The following COL11A2 variants were observed in gnomAD, a reference collection of about 807,000 sequenced individuals.
COL11A2 encodes the protein collagen alpha-2(XI) chain.
A neutral mutation model predicts 273.4 loss-of-function variants in COL11A2; 116 were observed. The observed-to-expected ratio is 0.42, with a 90% CI of 0.36 to 0.49. The LOEUF (loss-of-function observed/expected upper bound fraction) is 0.49. COL11A2 is among the 20% of genes least tolerant of loss of function. The pLI is 0.00. For missense variants in COL11A2, 1,866 were observed against 2,309.0 expected (o/e 0.81, Z 3.93); for synonymous variants, 782 against 864.2 (o/e 0.90, Z 1.67).
chr6:33,193,485 C>T (rs1546877), upstream of COL11A2: 110,330 of 148,398 alleles, frequency 0.74, 41,530 homozygotes, highest in East Asian at 0.96. Context: ...TTGGGCCCCA[C>T]GGAACCTCGG....
At position 33,169,641 on chromosome 6, in the gene COL11A2, A is replaced by T; in HGVS notation, c.3691-151T>A. On this transcript the variant is annotated intron_variant, in intron 50 of 65. Coordinates refer to ENST00000341947, the MANE Select transcript of COL11A2 (RefSeq NM_080680.3). The surrounding 1 kb of genome is among the most constrained non-coding windows in gnomAD (Gnocchi z 5.5). ...GTCAAGCCTACAAGGGGAGTTCCCT[A>T]GTCCCCTTCCCTTCAAGAAAGGGGA... 1 of 1,060,680 alleles carries T rather than the reference A, an allele frequency of 9.4e-7. No individual in the cohort carries two copies. The highest frequency in any genetic ancestry group is 1.4e-6 in the Non-Finnish European group (1 of 693,306). 65.7% of individuals were successfully genotyped at this position (1,060,680 alleles called of 1,614,324 possible).
chr6:33,187,324 C>T (rs1463611909), intron 4 of COL11A2, among the ~76,000 whole-genome samples: 1 of 152,200 alleles, frequency 6.6e-6, no homozygotes, highest in Non-Finnish European at 1.5e-5. Context: ...TTACTTTTGC[C>T]CACACATGGT....
chr6:33,170,444 G>C lies in COL11A2; in HGVS notation c.3529-65C>G. ...GAGATGGCTGAGCATGAATGGTGGA[G>C]AGAGGAGGAGGAGCAGCCAGGCCAG... On this transcript the variant is annotated intron_variant, in intron 47 of 65. Transcript: ENST00000341947. This position sits in a 1 kb window ranked among gnomAD's most constrained non-coding sequence, Gnocchi z 4.3. 2 of 1,591,404 alleles carry C rather than the reference G, an allele frequency of 1.3e-6. No homozygotes were observed. Among genetic ancestry groups the C allele is most frequent in the African/African-American group, 2.7e-5 (2 of 74,292 alleles).
chr6:33,164,003 G>T lies in COL11A2; in HGVS notation c.5071-185C>A, dbSNP rs2150509172. 6.6e-6 allele frequency among the ~76,000 whole-genome samples: 1 copy of T among 152,288 alleles called. No individual in the cohort carries two copies. The highest frequency in any genetic ancestry group is 1.5e-5 in the Non-Finnish European group (1 of 68,030). On this transcript the variant is annotated intron_variant, in intron 65 of 65. Transcript: ENST00000341947. The surrounding 1 kb of genome is among the most constrained non-coding windows in gnomAD (Gnocchi z 4.7). ...TGCTTCTCCCCCACCGTGTGCCTCT[G>T]CTGGGCAGCCATGTGCCAGTCTGTG...
chr6:33,177,429 C>T lies in COL11A2; in HGVS notation c.1954G>A (p.Gly652Ser). 2 of 1,612,880 alleles carry T rather than the reference C, an allele frequency of 1.2e-6. No homozygotes were observed. Among genetic ancestry groups the T allele is most frequent in the Non-Finnish European group, 1.7e-6 (2 of 1,179,936 alleles). The change falls in exon 23 of 66, where the codon GGC (glycine) becomes AGC (serine). Residue 652 changes from glycine to serine, a missense_variant. Gly to Ser is a moderately conservative substitution (Grantham distance 56). Coordinates refer to ENST00000341947, the MANE Select transcript of COL11A2 (RefSeq NM_080680.3). This position sits in a 1 kb window ranked among gnomAD's most constrained non-coding sequence, Gnocchi z 5.9. ...CCGCTCACCTGGGTCCCAGGGGTGC[C>T]CTGTTGTCCAGGAGGTCCTGGCTCT... is the stretch of plus-strand genomic sequence containing the variant. ...QGEPGPPGQQ[G>S]TPGTQGLPGP...
Position 33,177,304 on chromosome 6 carries a change from A to G in COL11A2, c.1972-79T>C. ...GCCTCCCGGATTCAAAGCATGAGCA[A>G]CAAGGGCCTGAAACCCTTAATTTCC... On this transcript the variant is annotated intron_variant, in intron 23 of 65. Transcript: ENST00000341947. This position sits in a 1 kb window ranked among gnomAD's most constrained non-coding sequence, Gnocchi z 5.9. 3 of 1,605,300 alleles carry G rather than the reference A, an allele frequency of 1.9e-6. No individual in the cohort carries two copies. The South Asian group carries it at 3.3e-5, about 18-fold the overall frequency.
rs954801938 is a variant in COL11A2, at chr6:33,189,634, T to G, written c.83-165A>C. ...GAACAGTACCTGAATGGATGGGAAA[T>G]GCAAAGGTACCTGGAGGCAGGGCAG... On this transcript the variant is annotated intron_variant, in intron 1 of 65. Coordinates refer to ENST00000341947, the MANE Select transcript of COL11A2 (RefSeq NM_080680.3). This position sits in a 1 kb window ranked among gnomAD's most constrained non-coding sequence, Gnocchi z 5.6. Among the ~76,000 whole-genome samples, 1 of 152,088 alleles carries G rather than the reference T, an allele frequency of 6.6e-6. No homozygotes were observed. The highest frequency in any genetic ancestry group is 1.5e-5 in the Non-Finnish European group (1 of 68,000).
Position 33,177,370 on chromosome 6 carries a change from G to A in COL11A2, c.1971+42C>T. ...TCTCACCCATTGTGGAAGCCCAAGG[G>A]AAGTCATGAAAATTGGGGAACGGAG... On this transcript the variant is annotated intron_variant, in intron 23 of 65. Coordinates refer to ENST00000341947, the MANE Select transcript of COL11A2 (RefSeq NM_080680.3). The surrounding 1 kb of genome is among the most constrained non-coding windows in gnomAD (Gnocchi z 5.9). 4 of 1,611,270 alleles carry A rather than the reference G, an allele frequency of 2.5e-6. No homozygotes were observed. The highest frequency in any genetic ancestry group is 2.5e-6 in the Non-Finnish European group (3 of 1,178,608).
At chr6:33,181,347 C>T (rs2150589618) in intron 8 of COL11A2, among the ~76,000 whole-genome samples, 177 bp from the exon 9 acceptor site, 1 of 147,476 alleles carries the variant, frequency 6.8e-6, no homozygotes, top group African/African-American at 2.5e-5. Context: ...TCAAGCCTGC[C>T]AAGGAGACCT....
In COL11A2 at chr6:33,178,199, G is replaced by A; in HGVS notation, c.1819-14C>T. 5 of 1,611,532 alleles carry A rather than the reference G, an allele frequency of 3.1e-6. No homozygotes were observed. The highest frequency in any genetic ancestry group is 4.2e-6 in the Non-Finnish European group (5 of 1,178,938). On this transcript the variant is annotated splice_polypyrimidine_tract_variant and intron_variant, in intron 20 of 65. Coordinates refer to ENST00000341947, the MANE Select transcript of COL11A2 (RefSeq NM_080680.3). This position sits in a 1 kb window ranked among gnomAD's most constrained non-coding sequence, Gnocchi z 4.6. Reference sequence around the variant, plus strand: ...ACCTCGAGGTCCCTGCATTCACGGTGAGGGGAGGAGACGGCATGAATGGAT... The same window carrying A: ...ACCTCGAGGTCCCTGCATTCACGGTAAGGGGAGGAGACGGCATGAATGGAT...
At chr6:33,188,277 GGAA>G in intron 4 of COL11A2, 82 bp downstream of exon 4, 2 of 1,496,036 alleles carry the variant, frequency 1.3e-6, no homozygotes, top group South Asian at 2.3e-5. Context: ...CTAGGGAATA[GGAA>G]GATGACATGC....
In COL11A2 at chr6:33,166,216, G is replaced by A; in HGVS notation, c.4393-10C>T. The A allele has an allele frequency of 6.3e-7, 1 of 1,596,438 alleles. No individual in the cohort carries two copies. The highest frequency in any genetic ancestry group is 8.5e-7 in the Non-Finnish European group (1 of 1,172,366). ...TGGGGCCAGCAGGTCCCTGTGAAATGAGGAACAAGAAAGAGACGGTCACTG... is the reference window on the plus strand; with the variant it reads ...TGGGGCCAGCAGGTCCCTGTGAAATAAGGAACAAGAAAGAGACGGTCACTG... On this transcript the variant is annotated splice_polypyrimidine_tract_variant and intron_variant, in intron 60 of 65. Transcript: ENST00000341947. The surrounding 1 kb of genome is among the most constrained non-coding windows in gnomAD (Gnocchi z 4.8).
At chr6:33,184,052 C>CACAGCCA (rs1482843224) in intron 8 of COL11A2, 93 bp downstream of exon 8, 3 of 1,147,912 alleles carry the variant, frequency 2.6e-6, no homozygotes, top group African/African-American at 1.6e-5. Flanking sequence ...GGAAATAGCT[C>CACAGCCA]ACAGCCAACA....
At position 33,179,302 on chromosome 6, in the gene COL11A2, G is replaced by C. The variant is rs1258625427; in HGVS notation, c.1504-18C>G. On this transcript the variant is annotated intron_variant, in intron 14 of 65. Transcript: ENST00000341947. This position sits in a 1 kb window ranked among gnomAD's most constrained non-coding sequence, Gnocchi z 6.4. ...GGTTGGCCCTGGGAGAGAGAAGAGA[G>C]GATGGCCGTAAGGAAGGACACAGCC... 1 of 1,607,074 alleles carries C rather than the reference G, an allele frequency of 6.2e-7. No homozygotes were observed. Among genetic ancestry groups the C allele is most frequent in the Admixed American group, 1.7e-5 (1 of 58,654 alleles).
Position 33,166,648 on chromosome 6 carries a change from C to T in COL11A2, c.4338+72G>A, listed in dbSNP as rs1202197885. 1.9e-6 allele frequency: 3 copies of T among 1,608,946 alleles called. No homozygotes were observed. The highest frequency in any genetic ancestry group is 1.1e-5 in the South Asian group (1 of 90,516). On this transcript the variant is annotated intron_variant, in intron 59 of 65. Transcript: ENST00000341947. This position sits in a 1 kb window ranked among gnomAD's most constrained non-coding sequence, Gnocchi z 4.8. ...CTGCTCGCTTACCCACAGCTGAGTC[C>T]CAACTCCAACTCCACCCCTCTCCAC...
intron 38 of COL11A2, among the ~76,000 whole-genome samples, chr6:33,172,849 AC>A (rs1040576318): frequency 3.3e-5 from 5 of 152,018 alleles, no homozygotes; most frequent in Admixed American, 3.3e-4. Flanking sequence ...CTGTTGGGGA[AC>A]TGCCTCTCCT....
rs1411104140 is a variant in COL11A2, at chr6:33,163,858, A to G, written c.5071-40T>C. 6.2e-7 allele frequency: 1 copy of G among 1,612,696 alleles called. No individual in the cohort carries two copies. Among genetic ancestry groups the G allele is most frequent in the Admixed American group, 1.7e-5 (1 of 59,984 alleles). ...AAGGAAGAAAGTGTGAGCAGGATGG[A>G]GGCACCCCCCACCCTCTAACCTCAG... On this transcript the variant is annotated intron_variant, in intron 65 of 65. Coordinates refer to ENST00000341947, the MANE Select transcript of COL11A2 (RefSeq NM_080680.3). The surrounding 1 kb of genome is among the most constrained non-coding windows in gnomAD (Gnocchi z 4.1).
Position 33,173,719 on chromosome 6 carries a change from A to G in COL11A2, c.2610T>C (p.His870=), listed in dbSNP as rs1252887735. 1 of 1,578,466 alleles carries G rather than the reference A, an allele frequency of 6.3e-7. No individual in the cohort carries two copies. The highest frequency in any genetic ancestry group is 8.6e-7 in the Non-Finnish European group (1 of 1,160,804). The part of the protein sequence containing the change: ...AKGTSGGDGP[H]GPPGERGLPG... ...CACTCACCCTCTCTCCAGGGGGCCCATGGGGGCCATCACCACCAGATGTTC... is the reference window on the plus strand; with the variant it reads ...CACTCACCCTCTCTCCAGGGGGCCCGTGGGGGCCATCACCACCAGATGTTC... The change falls in exon 35 of 66, where the codon CAT becomes CAC. Residue 870 remains histidine, a synonymous_variant. Transcript: ENST00000341947. This position sits in a 1 kb window ranked among gnomAD's most constrained non-coding sequence, Gnocchi z 6.3.
intron 40 of COL11A2, 56 bp downstream of exon 40, chr6:33,172,233 G>A (rs951946176): frequency 7.0e-5 from 109 of 1,564,598 alleles, no homozygotes; most frequent in Non-Finnish European, 9.3e-5. Flanking sequence ...GGGTCGGGGT[G>A]GGGACTCAGG....
Sources: gnomAD v4.1 joint callset for allele counts (sites outside exome capture counted in the v4.1 genomes callset) on GRCh38, gnomAD v4.1.1 for gene constraint, Gnocchi (gnomAD v3.1) non-coding constraint, MANE v1.5 for transcripts, NCBI Gene and HGNC (gene_info 2026-07-23, HGNC 2026-07-21) for gene names.